COL6A5: variants seen among roughly 807,000 people sequenced by gnomAD.
COL6A5 encodes the protein collagen type VI alpha 5 chain, also known as collagen alpha-5(VI) chain.
A neutral mutation model predicts 65.6 loss-of-function variants in COL6A5; 48 were observed. That is an observed-to-expected ratio of 0.73 (90% CI 0.58 to 0.93). The LOEUF is 0.93. Ranked by LOEUF, COL6A5 falls within the 40% of genes least tolerant of loss-of-function variation. The pLI is 0.00. For missense variants in COL6A5, 914 were observed against 928.3 expected, an observed-to-expected ratio of 0.98 and a Z score of 0.20; for synonymous variants, 291 against 322.8, an observed-to-expected ratio of 0.90 and a Z score of 1.05.
At chr3:130,427,262 T>G (rs1937624084), upstream of COL6A5, among the ~76,000 whole-genome samples, 1 of 152,194 alleles carries the variant, frequency 6.6e-6, no homozygotes, top group Non-Finnish European at 1.5e-5. Flanking sequence ...TTTACTGTGT[T>G]CAAGGAGGTG....
exon 3 of COL6A5, chr3:130,376,489 C>G (rs760300721): frequency 6.2e-7 from 1 of 1,605,046 alleles, no homozygotes; most frequent in Non-Finnish European, 8.5e-7. Flanking sequence ...ATTGGCGGGT[C>G]CCTGCAGATA....
At chr3:130,366,201 T>C (rs1935336155) in intron 1 of COL6A5, among the ~76,000 whole-genome samples, 1 of 152,204 alleles carries the variant, frequency 6.6e-6, no homozygotes, top group African/African-American at 2.4e-5. Context: ...AAGACATTCT[T>C]CTATCTAGGG....
intron 5 of COL6A5, among the ~76,000 whole-genome samples, chr3:130,465,080 C>T (rs1709782985): frequency 1.3e-5 from 2 of 152,054 alleles, no homozygotes; most frequent in African/African-American, 4.8e-5. Context: ...ATACAGTAAT[C>T]TTTAGAGAAG....
chr3:130,484,544 TGTCTTCTAA>T, exon 8 of COL6A5: 1 of 399,040 alleles, frequency 2.5e-6, no homozygotes, highest in Non-Finnish European at 4.4e-6. Flanking sequence ...TAGCAGTGAT[TGTCTTCTAA>T]AACCCACCTG....
rs145841466 is a variant in COL6A5 at position 130,413,569 on chromosome 3, C to T, written c.4687C>T (p.Arg1563Ter). 69 of 1,549,060 alleles carry T rather than the reference C, an allele frequency of 4.5e-5. No individual in the cohort carries two copies. The African/African-American group carries it at 7.4e-4, about 17-fold the overall frequency. ...GGGAAGAGAAGGTCAAAGGGGACTC[C>T]GAGGTGTCTCAGTAAGTAACCTTGA... Residue 1563 changes from arginine to a stop codon, truncating the protein, a stop_gained and NMD_transcript_variant, in exon 21 of 42, where the codon CGA (arginine) becomes TGA (stop). Transcript: ENST00000312481.
intron 7 of COL6A5, among the ~76,000 whole-genome samples, chr3:130,472,858 T>TAC (rs1553760945): frequency 6.3e-5 from 9 of 141,852 alleles, no homozygotes; most frequent in African/African-American, 2.1e-4. Context: ...TATATATATA[T>TAC]ACACATTTAT....
intron 8 of COL6A5, 79 bp downstream of exon 8, chr3:130,395,544 CTAGCA>C: frequency 9.7e-7 from 1 of 1,027,422 alleles, no homozygotes; most frequent in Non-Finnish European, 1.4e-6. Context: ...TGGGCTAGCT[CTAGCA>C]GAGCATATAT....
At chr3:130,389,496 G>A (rs1282240998) in intron 6 of COL6A5, among the ~76,000 whole-genome samples, 1 of 151,096 alleles carries the variant, frequency 6.6e-6, no homozygotes, top group Non-Finnish European at 1.5e-5. Flanking sequence ...CCATTGTTAA[G>A]CAGAAAATAA....
In COL6A5 at chr3:130,362,252, T is replaced by TCTCTCTCTC. The variant is rs1935135834; in HGVS notation, c.-28-11359_-28-11358insCTCTCTCTC. Among the ~76,000 whole-genome samples, 139 of 114,352 alleles carry TCTCTCTCTC rather than the reference T, an allele frequency of 1.2e-3. 2 individuals are homozygous for TCTCTCTCTC. Among genetic ancestry groups the TCTCTCTCTC allele is most frequent in the African/African-American group, 4.6e-3 (130 of 28,262 alleles). 75.0% of individuals were successfully genotyped at this position (114,352 alleles called of 152,430 possible). A position where few individuals can be genotyped will look rare whatever the true frequency, so the allele number is the denominator to read the frequency against. On this transcript the variant is annotated intron_variant and NMD_transcript_variant, in intron 1 of 41. Transcript: ENST00000312481. Reference sequence around the variant, plus strand: ...TTTTTGGGAAGGGTGTAAGGTTTCTTTCTCTCTCTCTCTCTCTCTTTGTCT... The same window carrying TCTCTCTCTC: ...TTTTTGGGAAGGGTGTAAGGTTTCTTCTCTCTCTCTCTCTCTCTCTCTCTCTCTTTGTCT...
At chr3:130,373,879 CAA>C (rs1015531093) in intron 2 of COL6A5, among the ~76,000 whole-genome samples, 174 bp downstream of exon 2, 1 of 152,094 alleles carries the variant, frequency 6.6e-6, no homozygotes, top group African/African-American at 2.4e-5. Flanking sequence ...AAGCCATGAG[CAA>C]AAGTCAGGAG....
chr3:130,483,208 C>A (rs1235350861), intron 7 of COL6A5, among the ~76,000 whole-genome samples: 2 of 152,122 alleles, frequency 1.3e-5, no homozygotes, highest in African/African-American at 2.4e-5. Flanking sequence ...GCCTGCCTTA[C>A]AAGAGCTCCT....
intron 4 of COL6A5, among the ~76,000 whole-genome samples, chr3:130,445,468 C>A (rs1362885808): frequency 6.6e-6 from 1 of 152,174 alleles, no homozygotes; most frequent in African/African-American, 2.4e-5. Context: ...CTTAACACAA[C>A]TCTGTATGGG....
chr3:130,405,552 A>G (rs1037460484), intron 13 of COL6A5, 36 bp from the exon 14 acceptor site: 1 of 1,508,280 alleles, frequency 6.6e-7, no homozygotes, highest in Non-Finnish European at 9.0e-7. Context: ...TGGCAAAAAC[A>G]TCACTTTGGG....
intron 1 of COL6A5, among the ~76,000 whole-genome samples, chr3:130,352,069 A>G (rs1934739065): frequency 6.6e-6 from 1 of 152,176 alleles, no homozygotes; most frequent in Non-Finnish European, 1.5e-5. Context: ...AGAAAACCAA[A>G]CACCGCACGT....
chr3:130,468,970 C>G, exon 6 of COL6A5: 2 of 1,612,800 alleles, frequency 1.2e-6, no homozygotes, highest in Non-Finnish European at 1.7e-6. Context: ...ATTACTTTCA[C>G]ATTGCCCCCA....
chr3:130,460,479 A>T (rs1709677808), intron 5 of COL6A5, among the ~76,000 whole-genome samples: 1 of 152,150 alleles, frequency 6.6e-6, no homozygotes, highest in African/African-American at 2.4e-5. Flanking sequence ...ACGTACATTG[A>T]TGTTGCTTCT....
At chr3:130,453,851 C>A (rs909144405) in intron 4 of COL6A5, among the ~76,000 whole-genome samples, 5 of 152,120 alleles carry the variant, frequency 3.3e-5, no homozygotes, top group African/African-American at 1.2e-4. Context: ...GGTGAGTTCT[C>A]CAGAATTCAT....
chr3:130,427,987 G>A (rs1559897486), upstream of COL6A5, among the ~76,000 whole-genome samples: 2 of 152,102 alleles, frequency 1.3e-5, no homozygotes, highest in South Asian at 4.1e-4. Context: ...ATGAATGTGG[G>A]ATCAACTTTC....
chr3:130,429,430 T>C, upstream of COL6A5: 1 of 636,760 alleles, frequency 1.6e-6, no homozygotes, highest in Non-Finnish European at 2.6e-6. Flanking sequence ...TACTTTAACC[T>C]TGGCTTCCTG....
Sources: gnomAD v4.1 joint callset for allele counts (sites outside exome capture counted in the v4.1 genomes callset) on GRCh38, gnomAD v4.1.1 for gene constraint, MANE v1.5 for transcripts, NCBI Gene and HGNC (gene_info 2026-07-23, HGNC 2026-07-21) for gene names.